Variants in REV3L observed in about 807,000 individuals in gnomAD.
The protein encoded by REV3L is DNA polymerase zeta catalytic subunit.
In REV3L, 69 loss-of-function variants were observed where a neutral mutation model predicts 299.4. The ratio of observed to expected loss-of-function variants is 0.23; its 90% CI spans 0.19 to 0.28. The LOEUF (loss-of-function observed/expected upper bound fraction) is 0.28. Ranked by LOEUF, REV3L falls within the 10% of genes least tolerant of loss-of-function variation. REV3L has a pLI of 1.00. For missense variants in REV3L, 3,128 were observed against 3,693.8 expected (o/e 0.85, Z 3.97); for synonymous variants, 1,238 against 1,271.4 (o/e 0.97, Z 0.56).
intron 1 of REV3L, among the ~76,000 whole-genome samples, chr6:111,455,556 T>A (rs965339973): frequency 6.6e-6 from 1 of 152,142 alleles, no homozygotes. Context: ...GGGCTGAATT[T>A]GAAAACAGGT....
intron 4 of REV3L, among the ~76,000 whole-genome samples, chr6:111,396,973 G>A (rs1201415522): frequency 6.6e-6 from 1 of 151,978 alleles, no homozygotes; most frequent in Non-Finnish European, 1.5e-5. Flanking sequence ...TATATAAATT[G>A]TAATGTCTCC....
chr6:111,330,092 C>T (rs1775236438), intron 24 of REV3L, among the ~76,000 whole-genome samples: 1 of 152,176 alleles, frequency 6.6e-6, no homozygotes. Context: ...CAAAATGACA[C>T]ATGGGACTTG....
intron 1 of REV3L, among the ~76,000 whole-genome samples, chr6:111,472,361 G>C (rs992828653): frequency 6.6e-6 from 1 of 151,716 alleles, no homozygotes; most frequent in Non-Finnish European, 1.5e-5. Context: ...ATACTTCTTT[G>C]TAATCGTAAT....
At chr6:111,387,458 A>C (rs910323177) in intron 9 of REV3L, among the ~76,000 whole-genome samples, 3 of 152,232 alleles carry the variant, frequency 2.0e-5, no homozygotes, top group Non-Finnish European at 4.4e-5. Context: ...GAAAAAAGCA[A>C]GTTGCTTCAT....
intron 4 of REV3L, among the ~76,000 whole-genome samples, chr6:111,397,161 T>G (rs1239187628): frequency 1.3e-5 from 2 of 152,026 alleles, no homozygotes; most frequent in African/African-American, 2.4e-5. Flanking sequence ...CTTCTAATTT[T>G]GGCTTTGTTC....
chr6:111,422,579 C>T (rs9487634), intron 1 of REV3L, among the ~76,000 whole-genome samples: 3,549 of 25,924 alleles, frequency 0.14, 390 homozygotes, highest in African/African-American at 0.21. Flanking sequence ...TATATATACA[C>T]ATATATATAT....
chr6:111,397,916 G>A (rs1385045262), intron 4 of REV3L, among the ~76,000 whole-genome samples: 2 of 151,898 alleles, frequency 1.3e-5, no homozygotes, highest in Non-Finnish European at 2.9e-5. Context: ...GGCTTACGGT[G>A]CCCGGCTCTA....
At chr6:111,355,482 T>C (rs1414479138) in intron 18 of REV3L, among the ~76,000 whole-genome samples, 1 of 152,178 alleles carries the variant, frequency 6.6e-6, no homozygotes, top group East Asian at 1.9e-4. Flanking sequence ...TGGACTAATA[T>C]ATAAAGAACA....
Position 111,374,654 on chromosome 6 carries a change from T to C in REV3L, c.3701A>G (p.Gln1234Arg). 1.2e-6 allele frequency: 2 copies of C among 1,613,672 alleles called. No homozygotes were observed. The highest frequency in any genetic ancestry group is 8.5e-7 in the Non-Finnish European group (1 of 1,179,884). The change falls in exon 13 of 32, where the codon CAG becomes CGG. Residue 1234 changes from glutamine (Q) to arginine (R), a missense_variant. Around this residue, in one of 9 missense-constraint regions of REV3L, gnomAD observed 2,409 missense variants for 2,611.8 expected, o/e 0.92. Coordinates refer to ENST00000368802, the MANE Select transcript of REV3L (RefSeq NM_001372078.1). The part of the protein sequence containing the change: ...TTLKDEKIKS[Q>R]SGAEVKFVLK... The stretch of plus-strand genomic sequence containing the variant: ...TACAAACTTAACCTCAGCACCAGAC[T>C]GAGATTTTATTTTTTCATCCTTAAG...
intron 27 of REV3L, among the ~76,000 whole-genome samples, chr6:111,314,289 G>A (rs561593162): frequency 4.7e-4 from 72 of 152,286 alleles, no homozygotes; most frequent in African/African-American, 1.7e-3. Context: ...TTCTTACAAT[G>A]TGACTTTGAC....
rs3218586 is a variant in REV3L, at chr6:111,416,211, A to G, written c.329+72T>C. 4.7e-3 allele frequency: 4,862 copies of G among 1,027,456 alleles called. 16 individuals carry two copies. The highest frequency in any genetic ancestry group is 6.1e-3 in the Non-Finnish European group (4,487 of 740,172). The allele number at this position is 1,027,456 out of a possible 1,614,324, so 63.6% of individuals were successfully genotyped here. On this transcript the variant is annotated intron_variant, in intron 2 of 31. Transcript: ENST00000368802. Reference sequence around the variant, plus strand: ...GAAGTAAAAGAAATAGAGTTTATCAACTGAGTATGTTTTCCTCTAAATAGA... The same window carrying G: ...GAAGTAAAAGAAATAGAGTTTATCAGCTGAGTATGTTTTCCTCTAAATAGA...
At chr6:111,426,976 T>C (rs1562294944) in intron 1 of REV3L, among the ~76,000 whole-genome samples, 1 of 152,244 alleles carries the variant, frequency 6.6e-6, no homozygotes, top group Non-Finnish European at 1.5e-5. Context: ...TAGTTTCAGA[T>C]AATTTAGCCA....
At chr6:111,366,580 A>G (rs557388610) in intron 14 of REV3L, among the ~76,000 whole-genome samples, 2 of 152,218 alleles carry the variant, frequency 1.3e-5, no homozygotes, top group South Asian at 2.1e-4. Context: ...AGGACATATG[A>G]TAAGACTCAG....
chr6:111,315,840 G>A (rs1217667083), intron 26 of REV3L, among the ~76,000 whole-genome samples: 1 of 152,196 alleles, frequency 6.6e-6, no homozygotes, highest in African/African-American at 2.4e-5. Flanking sequence ...CACCTTATGA[G>A]AATCTAATGC....
chr6:111,377,493 T>G (rs1780431212), intron 12 of REV3L, among the ~76,000 whole-genome samples: 2 of 152,098 alleles, frequency 1.3e-5, no homozygotes, highest in East Asian at 3.9e-4. Context: ...TGTATCACTA[T>G]GCTGGGCTAA....
intron 1 of REV3L, among the ~76,000 whole-genome samples, chr6:111,472,962 C>T (rs1792429262): frequency 1.3e-5 from 2 of 152,146 alleles, no homozygotes; most frequent in African/African-American, 4.8e-5. Context: ...TCATTCCTGC[C>T]TTATCTGTAT....
intron 1 of REV3L, among the ~76,000 whole-genome samples, chr6:111,417,415 C>T (rs1394640076): frequency 6.6e-6 from 1 of 152,116 alleles, no homozygotes; most frequent in African/African-American, 2.4e-5. Context: ...TGGGTATGTG[C>T]CATTTGTCTA....
intron 1 of REV3L, among the ~76,000 whole-genome samples, chr6:111,419,555 C>T (rs1562281618): frequency 6.6e-6 from 1 of 152,140 alleles, no homozygotes; most frequent in African/African-American, 2.4e-5. Context: ...TACTACAACT[C>T]CCGTTAGTTA....
chr6:111,334,253 T>C (rs543346317), intron 22 of REV3L, among the ~76,000 whole-genome samples: 45 of 152,334 alleles, frequency 3.0e-4, no homozygotes, highest in Non-Finnish European at 6.2e-4. Context: ...TGTATTTAAA[T>C]ACAGCTACAC....
Sources: gnomAD v4.1 joint callset for allele counts (sites outside exome capture counted in the v4.1 genomes callset) on GRCh38, gnomAD v4.1.1 for gene constraint, gnomAD v4.1.1 regional missense constraint, MANE v1.5 for transcripts, NCBI Gene and HGNC (gene_info 2026-07-23, HGNC 2026-07-21) for gene names.